CDH23: variants seen among roughly 807,000 people sequenced by gnomAD.
CDH23 encodes cadherin-23.
In CDH23, 189 loss-of-function variants were observed where a neutral mutation model predicts 317.1. The ratio of observed to expected loss-of-function variants is 0.60; its 90% confidence interval spans 0.53 to 0.67. CDH23 has a LOEUF of 0.67. Ranked by LOEUF, CDH23 falls within the 30% of genes least tolerant of loss-of-function variation. The pLI is 0.00. For missense variants in CDH23, 4,401 were observed against 4,592.4 expected, an observed-to-expected ratio of 0.96 and a Z score of 1.20; for synonymous variants, 1,839 against 1,876.8, an observed-to-expected ratio of 0.98 and a Z score of 0.52.
chr10:71,662,545 G>T (rs1042139767), intron 14 of CDH23, among the ~76,000 whole-genome samples: 5 of 152,110 alleles, frequency 3.3e-5, no homozygotes, highest in Non-Finnish European at 7.4e-5. Flanking sequence ...CCCAGGTTTC[G>T]CTGCACCCCC....
intron 30 of CDH23, among the ~76,000 whole-genome samples, chr10:71,726,961 A>G (rs1866840967): frequency 6.6e-6 from 1 of 152,206 alleles, no homozygotes; most frequent in African/African-American, 2.4e-5. Context: ...GTACAGTGTA[A>G]AACAGATCGA....
chr10:71,511,549 G>T (rs1369616210), intron 6 of CDH23, among the ~76,000 whole-genome samples: 1 of 150,714 alleles, frequency 6.6e-6, no homozygotes, highest in Non-Finnish European at 1.5e-5. Context: ...GTGGGCCTGG[G>T]CAGGGTGGGT....
intron 60 of CDH23, among the ~76,000 whole-genome samples, chr10:71,808,344 G>A (rs951341416): frequency 1.4e-4 from 21 of 151,514 alleles, no homozygotes; most frequent in South Asian, 2.1e-4. Context: ...CCTTCCATCC[G>A]TCCATCTGTC....
chr10:71,724,102 C>CA lies in CDH23; in HGVS notation c.3428dup (p.His1143GlnfsTer3), dbSNP rs1253419936. ...TGGGCGTGTGTGGTACCGCATCCTC[C>CA]ATGGTAAGTGGGGCTGCCCTAGGAT... On this transcript the variant is annotated frameshift_variant, in exon 29 of 70. Coordinates refer to ENST00000224721, the MANE Select transcript of CDH23 (RefSeq NM_022124.6). LOFTEE classifies it high-confidence loss of function. 6.4e-7 allele frequency: 1 copy of CA among 1,557,516 alleles called. No individual in the cohort carries two copies. The highest frequency in any genetic ancestry group is 8.7e-7 in the Non-Finnish European group (1 of 1,150,176).
intron 14 of CDH23, among the ~76,000 whole-genome samples, chr10:71,668,199 C>T (rs1863993710): frequency 6.6e-6 from 1 of 152,156 alleles, no homozygotes; most frequent in African/African-American, 2.4e-5. Context: ...AGCCAGAGAC[C>T]CCTGCCACCT....
In CDH23 at chr10:71,397,670, G is replaced by T. The variant is rs1847585947; in HGVS notation, c.-6+352G>T. Among the ~76,000 whole-genome samples the T allele has an allele frequency of 1.3e-5, 2 of 152,138 alleles. No homozygotes were observed. The highest frequency in any genetic ancestry group is 2.1e-4 in the South Asian group (1 of 4,834). On this transcript the variant is annotated intron_variant, in intron 1 of 69. Transcript: ENST00000224721. The surrounding 1 kb of genome is among the most constrained non-coding windows in gnomAD (Gnocchi z 4.8). ...GGCGCTACGGAGAGGGTCCAGGTCT[G>T]GGGTGGAGAGATTTTCGAGAGTGGA... is the stretch of plus-strand genomic sequence containing the variant.
At chr10:71,597,924 G>C (rs1400198642) in intron 9 of CDH23, among the ~76,000 whole-genome samples, 6 of 152,142 alleles carry the variant, frequency 3.9e-5, no homozygotes, top group Admixed American at 1.3e-4. Context: ...TCAAAGGCGG[G>C]GTAGGCCCAG....
In CDH23 at chr10:71,759,846, C is replaced by CACACACACACACATAT. The variant is rs776230069; in HGVS notation, c.4846-17833_4846-17832insCACACACACACATATA. On this transcript the variant is annotated intron_variant, in intron 38 of 69. Coordinates refer to ENST00000224721, the MANE Select transcript of CDH23 (RefSeq NM_022124.6). The stretch of plus-strand genomic sequence containing the variant: ...ACACACACACACACACACACACACA[C>CACACACACACACATAT]ATATACACACACACACACATATATA... Among the ~76,000 whole-genome samples the CACACACACACACATAT allele has an allele frequency of 2.5e-3, 148 of 59,950 alleles. 4 individuals are homozygous for CACACACACACACATAT. Among genetic ancestry groups the CACACACACACACATAT allele is most frequent in the Non-Finnish European group, 2.9e-3 (85 of 29,040 alleles). The allele number at this position is 59,950 out of a possible 152,430, so 39.3% of individuals were successfully genotyped here. A position where few individuals can be genotyped will look rare whatever the true frequency, so the allele number is the denominator to read the frequency against.
intron 17 of CDH23, among the ~76,000 whole-genome samples, chr10:71,681,444 T>C (rs1197785567): frequency 6.6e-6 from 1 of 152,180 alleles, no homozygotes. Flanking sequence ...CTTAGCTCCC[T>C]GCAAATCCTG....
At position 71,565,415 on chromosome 10, in the gene CDH23, C is replaced by A. The variant is rs569090177; in HGVS notation, c.430-1327C>A. Reference sequence around the variant, plus strand: ...ACTCTTTCTCTTCCTGCTCTGGGAGCTCCTACCAGAACTTCCCATTGGCAG... The same window carrying A: ...ACTCTTTCTCTTCCTGCTCTGGGAGATCCTACCAGAACTTCCCATTGGCAG... On this transcript the variant is annotated intron_variant, in intron 6 of 69. Coordinates refer to ENST00000224721, the MANE Select transcript of CDH23 (RefSeq NM_022124.6). Among the ~76,000 whole-genome samples, 7 of 152,234 alleles carry A rather than the reference C, an allele frequency of 4.6e-5. 1 individual carries two copies. The South Asian group carries it at 1.2e-3, about 27-fold the overall frequency.
At chr10:71,647,008 T>G in intron 14 of CDH23, 11 of 985,384 alleles carry the variant, frequency 1.1e-5, no homozygotes, top group Non-Finnish European at 1.3e-5. Context: ...GGCAGGCGCC[T>G]GGAGGGTACC....
intron 6 of CDH23, among the ~76,000 whole-genome samples, chr10:71,516,696 A>G (rs1854351304): frequency 6.6e-6 from 1 of 152,146 alleles, no homozygotes; most frequent in South Asian, 2.1e-4. Flanking sequence ...CATCCTACAG[A>G]GACAGACACT....
chr10:71,488,474 C>T (rs1554829962), intron 3 of CDH23, among the ~76,000 whole-genome samples: 1 of 152,210 alleles, frequency 6.6e-6, no homozygotes, highest in Non-Finnish European at 1.5e-5. Context: ...TTTTCCTGGT[C>T]CATCTGACTT....
At chr10:71,783,876 G>A (rs1254508056) in intron 41 of CDH23, among the ~76,000 whole-genome samples, 2 of 152,206 alleles carry the variant, frequency 1.3e-5, no homozygotes, top group East Asian at 3.8e-4. Flanking sequence ...CATGGCATGT[G>A]GGATGGATCG....
intron 26 of CDH23, among the ~76,000 whole-genome samples, chr10:71,708,771 A>G (rs1029526741): frequency 9.2e-5 from 14 of 152,238 alleles, no homozygotes; most frequent in Admixed American, 9.2e-4. Flanking sequence ...GGACCCACGC[A>G]TGGAGAAACC....
At chr10:71,682,233 G>A (rs925209032) in intron 17 of CDH23, among the ~76,000 whole-genome samples, 2 of 152,204 alleles carry the variant, frequency 1.3e-5, no homozygotes, top group African/African-American at 4.8e-5. Flanking sequence ...ATTACCACCA[G>A]CTATCACCTG....
chr10:71,722,524 G>A (rs1284154672), intron 28 of CDH23, among the ~76,000 whole-genome samples: 9 of 152,206 alleles, frequency 5.9e-5, no homozygotes, highest in Non-Finnish European at 8.8e-5. Context: ...ACCCTACTGT[G>A]TGCCAGGATT....
intron 28 of CDH23, among the ~76,000 whole-genome samples, chr10:71,721,608 T>G (rs1693501015): frequency 6.6e-6 from 1 of 152,208 alleles, no homozygotes; most frequent in African/African-American, 2.4e-5. Context: ...TTGTTCTTTT[T>G]GCTCCAGTGT....
At chr10:71,692,454 A>C (rs933066655) in intron 20 of CDH23, among the ~76,000 whole-genome samples, 3 of 152,226 alleles carry the variant, frequency 2.0e-5, no homozygotes, top group African/African-American at 7.2e-5. Context: ...AATTGGATCT[A>C]ATTTCCTAGA....
Sources: gnomAD v4.1 joint callset for allele counts (sites outside exome capture counted in the v4.1 genomes callset) on GRCh38, gnomAD v4.1.1 for gene constraint, Gnocchi (gnomAD v3.1) non-coding constraint, MANE v1.5 for transcripts, NCBI Gene and HGNC (gene_info 2026-07-23, HGNC 2026-07-21) for gene names.